The following PPP1R9A variants were observed in gnomAD, a reference collection of about 807,000 sequenced individuals.
PPP1R9A encodes neurabin-1.
In PPP1R9A, 59 loss-of-function variants were observed where a neutral mutation model predicts 141.9. The ratio of observed to expected loss-of-function variants is 0.42; its 90% CI spans 0.34 to 0.52. PPP1R9A has a LOEUF of 0.52. PPP1R9A is among the 20% of genes least tolerant of loss of function. The pLI is 0.10. For synonymous variants in PPP1R9A, 500 were observed against 569.7 expected (o/e 0.88, Z 1.74); for missense variants, 1,444 against 1,611.9 (o/e 0.90, Z 1.78).
chr7:95,187,182 T>C (rs1031914698), intron 5 of PPP1R9A, among the ~76,000 whole-genome samples: 2 of 152,028 alleles, frequency 1.3e-5, no homozygotes, highest in Admixed American at 1.3e-4. Context: ...AAATTACTAT[T>C]TCAATCTTAT....
At chr7:95,218,685 G>A (rs1383798781) in intron 7 of PPP1R9A, among the ~76,000 whole-genome samples, 1 of 152,144 alleles carries the variant, frequency 6.6e-6, no homozygotes, top group Non-Finnish European at 1.5e-5. Flanking sequence ...AGGATAGTTA[G>A]CTCTTCTTGT....
chr7:94,991,174 C>T (rs1801461927), intron 2 of PPP1R9A, among the ~76,000 whole-genome samples: 1 of 152,136 alleles, frequency 6.6e-6, no homozygotes, highest in African/African-American at 2.4e-5. Flanking sequence ...TCCCTTATCT[C>T]CCCATTCTTG....
intron 5 of PPP1R9A, among the ~76,000 whole-genome samples, chr7:95,191,441 C>T (rs1835487298): frequency 6.6e-6 from 1 of 152,110 alleles, no homozygotes; most frequent in African/African-American, 2.4e-5. Context: ...TATCTATGAT[C>T]TCAAACATTA....
chr7:95,215,813 G>A (rs1430651254), intron 7 of PPP1R9A, among the ~76,000 whole-genome samples: 1 of 152,226 alleles, frequency 6.6e-6, no homozygotes, highest in East Asian at 1.9e-4. Flanking sequence ...ACTTTTTGAT[G>A]GGGTTGTTTG....
At chr7:95,204,114 A>G (rs1432743307) in intron 7 of PPP1R9A, among the ~76,000 whole-genome samples, 1 of 152,212 alleles carries the variant, frequency 6.6e-6, no homozygotes, top group African/African-American at 2.4e-5. Flanking sequence ...ACTTTTTTAG[A>G]AAATAATCTT....
chr7:95,262,117 G>C (rs1258580460), intron 12 of PPP1R9A, among the ~76,000 whole-genome samples: 1 of 152,172 alleles, frequency 6.6e-6, no homozygotes, highest in Non-Finnish European at 1.5e-5. Flanking sequence ...TTGAGAAACT[G>C]ATTAGATTCT....
At chr7:95,183,702 C>T (rs893792441) in intron 5 of PPP1R9A, among the ~76,000 whole-genome samples, 1 of 151,908 alleles carries the variant, frequency 6.6e-6, no homozygotes, top group Non-Finnish European at 1.5e-5. Flanking sequence ...CCGCCTCGGG[C>T]TCCCAAAGTG....
intron 2 of PPP1R9A, among the ~76,000 whole-genome samples, chr7:95,001,937 T>A (rs1251454517): frequency 6.6e-6 from 1 of 152,334 alleles, no homozygotes; most frequent in East Asian, 1.9e-4. Flanking sequence ...AGTTAATCAC[T>A]GACAAAATTC....
At chr7:95,216,131 T>A (rs1793357629) in intron 7 of PPP1R9A, among the ~76,000 whole-genome samples, 1 of 152,204 alleles carries the variant, frequency 6.6e-6, no homozygotes, top group South Asian at 2.1e-4. Context: ...CTTTAATCCA[T>A]CTTGAATGAA....
At chr7:95,220,088 A>T (rs1794187713) in intron 7 of PPP1R9A, among the ~76,000 whole-genome samples, 1 of 152,172 alleles carries the variant, frequency 6.6e-6, no homozygotes, top group Non-Finnish European at 1.5e-5. Context: ...AGGAAACAAC[A>T]TTCAAAGAGA....
intron 7 of PPP1R9A, among the ~76,000 whole-genome samples, chr7:95,225,041 G>A (rs1321499081): frequency 1.3e-5 from 2 of 152,032 alleles, no homozygotes; most frequent in Non-Finnish European, 2.9e-5. Context: ...TGCCAGGAGA[G>A]GATCTACTTT....
At chr7:95,158,245 G>C (rs1000423562) in intron 4 of PPP1R9A, among the ~76,000 whole-genome samples, 1 of 152,098 alleles carries the variant, frequency 6.6e-6, no homozygotes, top group East Asian at 1.9e-4. Flanking sequence ...TGTTTGGCCA[G>C]TTGTTTATAC....
intron 2 of PPP1R9A, among the ~76,000 whole-genome samples, chr7:95,009,872 A>G (rs749198850): frequency 2.6e-5 from 4 of 152,182 alleles, no homozygotes; most frequent in Non-Finnish European, 4.4e-5. Flanking sequence ...TCCTTGCCAC[A>G]TAGGGAAAAT....
rs115227108 is a variant in PPP1R9A, at chr7:95,249,057, T to C, written c.2167-969T>C. ...CCAGAGAGTTATTGGGAATGACTTT[T>C]GAGCCCTCACCTAAATGATCAGTAT... On this transcript the variant is annotated intron_variant, in intron 9 of 19. Coordinates refer to ENST00000433360, the MANE Select transcript of PPP1R9A (RefSeq NM_001166160.2). Among the ~76,000 whole-genome samples the C allele has an allele frequency of 3.0e-3, 450 of 152,260 alleles. 2 individuals are homozygous for C. The highest frequency in any genetic ancestry group is 0.01 in the African/African-American group (419 of 41,552).
At chr7:95,252,243 A>G in intron 12 of PPP1R9A, 113 bp downstream of exon 12, 1 of 1,173,704 alleles carries the variant, frequency 8.5e-7, no homozygotes, top group Non-Finnish European at 1.1e-6. Context: ...CTACTATGGG[A>G]AAGAAGAAAA....
At chr7:95,037,535 G>A (rs1453982888) in intron 2 of PPP1R9A, among the ~76,000 whole-genome samples, 1 of 152,136 alleles carries the variant, frequency 6.6e-6, no homozygotes, top group Non-Finnish European at 1.5e-5. Flanking sequence ...TAGTACATCT[G>A]AAAGGTTCAT....
chr7:95,210,595 A>G (rs1039978785), intron 7 of PPP1R9A, among the ~76,000 whole-genome samples: 27 of 151,914 alleles, frequency 1.8e-4, no homozygotes, highest in African/African-American at 6.3e-4. Context: ...CCTCCTCACT[A>G]GCTGGGACTA....
At chr7:95,201,873 A>G (rs2152871698) in intron 6 of PPP1R9A, among the ~76,000 whole-genome samples, 1 of 152,306 alleles carries the variant, frequency 6.6e-6, no homozygotes, top group African/African-American at 2.4e-5. Context: ...CTCCATTTAG[A>G]TACAGAACAA....
Position 95,226,125 on chromosome 7 carries a change from C to T in PPP1R9A, c.2112+9C>T. ...GTCACAAGTTCAAAGAGGTATGCCA[C>T]TAAGCTGCAAAATATTTCTTTATGC... On this transcript the variant is annotated intron_variant, in intron 8 of 19. Transcript: ENST00000433360. 6.2e-7 allele frequency: 1 copy of T among 1,606,316 alleles called. No homozygotes were observed. Among genetic ancestry groups the T allele is most frequent in the African/African-American group, 1.3e-5 (1 of 74,894 alleles).
Sources: allele counts gnomAD v4.1 joint callset (sites outside exome capture counted in the v4.1 genomes callset), GRCh38; gene constraint gnomAD v4.1.1; transcripts MANE v1.5; gene names NCBI Gene and HGNC (gene_info 2026-07-23, HGNC 2026-07-21).